The following SPATA6 variants were observed in gnomAD, a reference collection of about 807,000 sequenced individuals.
The protein encoded by SPATA6 is spermatogenesis associated 6.
Under a neutral mutation model 65.3 loss-of-function variants are expected in SPATA6, and 56 were observed. The observed-to-expected ratio is 0.86, with a 90% CI of 0.69 to 1.07. The LOEUF (loss-of-function observed/expected upper bound fraction) is 1.07, where lower values mean the gene tolerates loss of function less well. Among genes scored for constraint, SPATA6 ranks in the 50% least tolerant of loss-of-function variants. The pLI is 0.00. For missense variants in SPATA6, 590 were observed against 594.8 expected, an observed-to-expected ratio of 0.99 and a Z score of 0.08; for synonymous variants, 199 against 213.2, an observed-to-expected ratio of 0.93 and a Z score of 0.58.
intron 3 of SPATA6, among the ~76,000 whole-genome samples, chr1:48,429,915 A>G (rs186750994): frequency 5.3e-5 from 8 of 152,322 alleles, no homozygotes; most frequent in Admixed American, 5.2e-4. Context: ...GAACTTGAAG[A>G]TAGGACAGTA....
the SPATA6 span, among the ~76,000 whole-genome samples, chr1:48,279,628 C>G: frequency 6.6e-6 from 1 of 152,142 alleles, no homozygotes; most frequent in South Asian, 2.1e-4. Flanking sequence ...ACAAGAAGAG[C>G]TAACTATCCT....
At chr1:48,343,160 C>T (rs977599671) in intron 11 of SPATA6, among the ~76,000 whole-genome samples, 1 of 152,070 alleles carries the variant, frequency 6.6e-6, no homozygotes, top group Non-Finnish European at 1.5e-5. Flanking sequence ...ATGAAATGTA[C>T]AAGATGAGTC....
chr1:48,325,416 A>C lies in SPATA6; in HGVS notation c.1195-19538T>G, dbSNP rs1247397652. 4 of 1,349,472 alleles carry C rather than the reference A, an allele frequency of 3.0e-6. No individual in the cohort carries two copies. The East Asian group carries it at 6.9e-5, about 23-fold the overall frequency. The allele number at this position is 1,349,472 out of a possible 1,614,324, so 83.6% of individuals were successfully genotyped here. A position where few individuals can be genotyped will look rare whatever the true frequency, so the allele number is the denominator to read the frequency against. Reference sequence around the variant, plus strand: ...GCCCAAGGAGCCAGGGCCCTCCCCCAGCTTCTTCTTGACTGGGACCACTGC... The same window carrying C: ...GCCCAAGGAGCCAGGGCCCTCCCCCCGCTTCTTCTTGACTGGGACCACTGC... On this transcript the variant is annotated intron_variant, in intron 11 of 12. Coordinates refer to ENST00000371847, the MANE Select transcript of SPATA6 (RefSeq NM_019073.4).
intron 9 of SPATA6, among the ~76,000 whole-genome samples, chr1:48,364,102 T>G (rs1231592922): frequency 2.4e-4 from 37 of 152,302 alleles, no homozygotes; most frequent in Non-Finnish European, 1.5e-5. Context: ...ATTTCCAATT[T>G]CATCCATGTC....
In SPATA6 at chr1:48,471,402, G is replaced by A. The variant is rs1374356113; in HGVS notation, c.51+556C>T. Among the ~76,000 whole-genome samples, 6 of 152,178 alleles carry A rather than the reference G, an allele frequency of 3.9e-5. No individual in the cohort carries two copies. In the East Asian group the frequency reaches 9.6e-4, roughly 24 times the overall value. On this transcript the variant is annotated intron_variant, in intron 1 of 12. Transcript: ENST00000371847. ...GGTTTTTCCTGTAAGGCCCTGGGAG[G>A]GAAGGCAAGGTACTTTGCGCAATGA...
intron 12 of SPATA6, among the ~76,000 whole-genome samples, chr1:48,302,749 C>T (rs568904687): frequency 6.6e-6 from 1 of 152,146 alleles, no homozygotes; most frequent in South Asian, 2.1e-4. Context: ...TATGCATAAA[C>T]ATAATCTTCT....
chr1:48,451,540 T>TA lies in SPATA6; in HGVS notation c.238+11dup. On this transcript the variant is annotated intron_variant, in intron 3 of 12. Coordinates refer to ENST00000371847, the MANE Select transcript of SPATA6 (RefSeq NM_019073.4). ...GTCTTAGAATCAGGAATTAAAAAGT[T>TA]AAAAAACTTACATTCAAGCTGTGTA... is the stretch of plus-strand genomic sequence containing the variant. The TA allele has an allele frequency of 6.2e-7, 1 of 1,604,120 alleles. No homozygotes were observed. Among genetic ancestry groups the TA allele is most frequent in the Non-Finnish European group, 8.5e-7 (1 of 1,176,316 alleles).
chr1:48,293,835 CT>C (rs546424322), downstream of SPATA6, among the ~76,000 whole-genome samples: 6 of 152,272 alleles, frequency 3.9e-5, no homozygotes, highest in East Asian at 1.2e-3. Flanking sequence ...CACACACAAA[CT>C]TTGATTGAGA....
chr1:48,457,020 C>A (rs547947606), intron 1 of SPATA6, among the ~76,000 whole-genome samples: 7 of 152,162 alleles, frequency 4.6e-5, no homozygotes, highest in Non-Finnish European at 8.8e-5. Flanking sequence ...AACTTGAGGC[C>A]AGGAGTTCAA....
At chr1:48,325,408 C>A in intron 11 of SPATA6, 1 of 1,364,336 alleles carries the variant, frequency 7.3e-7, no homozygotes, top group African/African-American at 1.4e-5. Flanking sequence ...GAGCCAGGGC[C>A]CTCCCCCAGC....
chr1:48,364,195 C>T (rs2148829853), intron 9 of SPATA6, among the ~76,000 whole-genome samples: 1 of 152,272 alleles, frequency 6.6e-6, no homozygotes, highest in African/African-American at 2.4e-5. Flanking sequence ...TTAATCCAAT[C>T]TATTGTTGTT....
intron 11 of SPATA6, among the ~76,000 whole-genome samples, chr1:48,330,970 G>T (rs1178900117): frequency 6.6e-6 from 1 of 152,160 alleles, no homozygotes; most frequent in Non-Finnish European, 1.5e-5. Context: ...TGCAGAGGGG[G>T]CTCCTCCAAG....
intron 11 of SPATA6, among the ~76,000 whole-genome samples, chr1:48,348,772 A>G (rs1013904674): frequency 1.3e-5 from 2 of 151,950 alleles, no homozygotes; most frequent in Admixed American, 1.3e-4. Flanking sequence ...TTCTGAATCA[A>G]TCTATTTGTA....
intron 11 of SPATA6, among the ~76,000 whole-genome samples, chr1:48,353,665 TA>T (rs1646577041): frequency 6.6e-6 from 1 of 151,848 alleles, no homozygotes; most frequent in Non-Finnish European, 1.5e-5. Flanking sequence ...TCAAAATATA[TA>T]AAACAAAATT....
In SPATA6 at chr1:48,364,383, T is replaced by A. The variant is rs551521329; in HGVS notation, c.910-4613A>T. Among the ~76,000 whole-genome samples the A allele has an allele frequency of 7.2e-5, 11 of 152,330 alleles. No individual in the cohort carries two copies. In the East Asian group the frequency reaches 1.3e-3, roughly 19 times the overall value. On this transcript the variant is annotated intron_variant, in intron 9 of 12. Transcript: ENST00000371847. Reference sequence around the variant, plus strand: ...ATCCCTGAGGAATCGCCACACTGACTTCCACAATGGTTGAACTAGTTTACA... The same window carrying A: ...ATCCCTGAGGAATCGCCACACTGACATCCACAATGGTTGAACTAGTTTACA...
chr1:48,267,951 C>T, the SPATA6 span, among the ~76,000 whole-genome samples: 25 of 151,896 alleles, frequency 1.6e-4, no homozygotes, highest in East Asian at 4.7e-3. Flanking sequence ...CGGGGTTTCA[C>T]CGTGTTAGCC....
chr1:48,471,414 A>G (rs1658235520), intron 1 of SPATA6, among the ~76,000 whole-genome samples: 1 of 152,126 alleles, frequency 6.6e-6, no homozygotes, highest in Non-Finnish European at 1.5e-5. Flanking sequence ...AAGGCAAGGT[A>G]CTTTGCGCAA....
At chr1:48,392,396 A>G (rs1283849405) in intron 8 of SPATA6, among the ~76,000 whole-genome samples, 1 of 152,188 alleles carries the variant, frequency 6.6e-6, no homozygotes, top group African/African-American at 2.4e-5. Context: ...AAAGCTTACA[A>G]AAAGTCTCAT....
the SPATA6 span, among the ~76,000 whole-genome samples, chr1:48,283,705 G>GAAAGAAAGAAAGAAAGAAAGA: frequency 7.3e-6 from 1 of 136,324 alleles, no homozygotes; most frequent in Middle Eastern, 3.7e-3. Context: ...AAAAAAGAAA[G>GAAAGAAAGAAAGAAAGAAAGA]AAAGAAAGAA....
Sources: gnomAD v4.1 joint callset for allele counts (sites outside exome capture counted in the v4.1 genomes callset) on GRCh38, gnomAD v4.1.1 for gene constraint, MANE v1.5 for transcripts, NCBI Gene and HGNC (gene_info 2026-07-23, HGNC 2026-07-21) for gene names.